PCNX2: variants seen among roughly 807,000 people sequenced by gnomAD.
PCNX2 encodes pecanex 2.
Under a neutral mutation model 223.8 loss-of-function variants are expected in PCNX2, and 168 were observed. That is an observed-to-expected ratio of 0.75 (90% CI 0.66 to 0.85). The LOEUF (loss-of-function observed/expected upper bound fraction) is 0.85, where lower values mean the gene tolerates loss of function less well. Among genes scored for constraint, PCNX2 ranks in the 40% least tolerant of loss-of-function variants. PCNX2 has a pLI of 0.00. For missense variants in PCNX2, 2,507 were observed against 2,675.5 expected, an observed-to-expected ratio of 0.94 and a Z score of 1.39; for synonymous variants, 1,006 against 1,052.6, an observed-to-expected ratio of 0.96 and a Z score of 0.86.
chr1:233,107,388 G>A (rs574282228), intron 21 of PCNX2, among the ~76,000 whole-genome samples: 20 of 147,044 alleles, frequency 1.4e-4, no homozygotes, highest in East Asian at 2.1e-4. Flanking sequence ...ATCCTGACTC[G>A]AAAAAACAAA....
intron 23 of PCNX2, among the ~76,000 whole-genome samples, chr1:233,073,732 C>T (rs1182524870): frequency 6.6e-6 from 1 of 151,946 alleles, no homozygotes; most frequent in East Asian, 1.9e-4. Flanking sequence ...CTAACCTCAG[C>T]CTCTTCAGTA....
At chr1:233,057,079 A>C (rs1217570987) in intron 24 of PCNX2, among the ~76,000 whole-genome samples, 153 bp downstream of exon 24, 1 of 152,078 alleles carries the variant, frequency 6.6e-6, no homozygotes, top group Non-Finnish European at 1.5e-5. Context: ...TTGCTTGATC[A>C]CTCTACCTGC....
At position 233,258,386 on chromosome 1, in the gene PCNX2, C is replaced by T. The variant is rs547708340; in HGVS notation, c.1476G>A (p.Ser492=). The T allele has an allele frequency of 2.9e-5, 47 of 1,613,984 alleles. No individual in the cohort carries two copies. In the East Asian group the frequency reaches 3.6e-4, roughly 12 times the overall value. The change falls in exon 5 of 34, where the codon TCG becomes TCA. Residue 492 remains serine (S), a synonymous_variant. Transcript: ENST00000258229. ...HSSSSREPWE[S]VSRLTPDTGS... is the part of the protein sequence containing the mutation. ...CTGTATCAGGTGTAAGCCGGGACAC[C>T]GATTCCCAGGGTTCCCGTGATGAAG... is the stretch of plus-strand genomic sequence containing the variant.
At chr1:233,018,679 C>A in intron 26 of PCNX2, 3 of 824,920 alleles carry the variant, frequency 3.6e-6, no homozygotes, top group Non-Finnish European at 4.4e-6. Flanking sequence ...CCAGCGTGCA[C>A]CGCAGTTCCA....
chr1:233,039,723 A>G (rs1157756496), intron 25 of PCNX2, among the ~76,000 whole-genome samples: 1 of 152,226 alleles, frequency 6.6e-6, no homozygotes. Context: ...GGCTATTGAA[A>G]ACAAACTGGC....
At chr1:233,195,380 T>C (rs999261089) in intron 15 of PCNX2, among the ~76,000 whole-genome samples, 13 of 152,204 alleles carry the variant, frequency 8.5e-5, no homozygotes, top group Admixed American at 8.5e-4. Flanking sequence ...TGAAAGACTT[T>C]TCCCCTAAAC....
At chr1:233,222,280 A>G (rs1444507462) in intron 10 of PCNX2, among the ~76,000 whole-genome samples, 1 of 152,224 alleles carries the variant, frequency 6.6e-6, no homozygotes, top group Non-Finnish European at 1.5e-5. Flanking sequence ...TAGTGGCTAC[A>G]GCATGGGGGA....
At chr1:233,112,324 C>A (rs75965401) in intron 21 of PCNX2, among the ~76,000 whole-genome samples, 2 of 152,106 alleles carry the variant, frequency 1.3e-5, no homozygotes, top group Non-Finnish European at 1.5e-5. Flanking sequence ...GCTTCCCTGG[C>A]GCTTCACCAG....
Position 233,200,274 on chromosome 1 carries a change from A to G in PCNX2, c.2864-10T>C, listed in dbSNP as rs1680993316. 2 of 1,537,076 alleles carry G rather than the reference A, an allele frequency of 1.3e-6. No individual in the cohort carries two copies. On this transcript the variant is annotated splice_polypyrimidine_tract_variant and intron_variant, in intron 13 of 33. Transcript: ENST00000258229. Reference sequence around the variant, plus strand: ...AAGCAATATAAAAATACTGAAAATGAACAAACAAAATTGACGATAAGCATG... The same window carrying G: ...AAGCAATATAAAAATACTGAAAATGGACAAACAAAATTGACGATAAGCATG...
intron 32 of PCNX2, among the ~76,000 whole-genome samples, chr1:232,997,162 T>G (rs1181552358): frequency 1.3e-5 from 2 of 152,218 alleles, no homozygotes; most frequent in African/African-American, 4.8e-5. Context: ...AAACCCTCTT[T>G]GGAAAAAGTA....
intron 23 of PCNX2, among the ~76,000 whole-genome samples, chr1:233,081,178 C>G (rs1021165303): frequency 6.6e-6 from 1 of 151,976 alleles, no homozygotes; most frequent in East Asian, 1.9e-4. Flanking sequence ...GAAACCCCAT[C>G]TCTATTAAAA....
At chr1:233,243,912 A>C (rs904372460) in intron 8 of PCNX2, among the ~76,000 whole-genome samples, 1 of 151,706 alleles carries the variant, frequency 6.6e-6, no homozygotes, top group Non-Finnish European at 1.5e-5. Flanking sequence ...GCTCACCACA[A>C]CCTCCGCCTC....
At chr1:233,229,802 A>T (rs1657952516) in intron 9 of PCNX2, among the ~76,000 whole-genome samples, 1 of 145,488 alleles carries the variant, frequency 6.9e-6, no homozygotes, top group African/African-American at 2.5e-5. Flanking sequence ...ATCCTTGCTT[A>T]AAAAAAAAAC....
the PCNX2 span, among the ~76,000 whole-genome samples, chr1:233,306,007 G>A: frequency 2.6e-5 from 4 of 152,296 alleles, no homozygotes; most frequent in Admixed American, 2.0e-4. Flanking sequence ...TGCTAGAAAA[G>A]ACACACTTTA....
At chr1:233,268,161 C>T (rs1660443467) in intron 1 of PCNX2, among the ~76,000 whole-genome samples, 1 of 152,206 alleles carries the variant, frequency 6.6e-6, no homozygotes, top group African/African-American at 2.4e-5. Context: ...ATCCACTCGC[C>T]TTGGCCTCCT....
chr1:233,202,386 C>A, intron 13 of PCNX2: 1 of 241,700 alleles, frequency 4.1e-6, no homozygotes. Context: ...TCTTTTTAAG[C>A]AAAATTCATA....
rs114196626 is a variant in PCNX2 at position 233,182,193 on chromosome 1, A to C, written c.3067-3018T>G. ...AGGGTGCTTTTCTGTAACCCAGGTG[A>C]TTTAAGTTTTTGACATGGGAGGGGT... is the stretch of plus-strand genomic sequence containing the variant. On this transcript the variant is annotated intron_variant, in intron 15 of 33. Transcript: ENST00000258229. Among the ~76,000 whole-genome samples the C allele has an allele frequency of 4.4e-3, 671 of 152,270 alleles. 5 individuals are homozygous for C. The highest frequency in any genetic ancestry group is 0.016 in the African/African-American group (651 of 41,538).
intron 8 of PCNX2, among the ~76,000 whole-genome samples, chr1:233,246,797 G>A (rs1659150393): frequency 6.6e-6 from 1 of 152,088 alleles, no homozygotes; most frequent in Non-Finnish European, 1.5e-5. Context: ...GACACCCCCA[G>A]GTGCACATGA....
intron 1 of PCNX2, chr1:233,293,818 G>T: frequency 3.0e-6 from 1 of 338,944 alleles, no homozygotes; most frequent in Non-Finnish European, 4.2e-6. Flanking sequence ...GCTTGCTCAA[G>T]CTCATATTAG....
Sources: gnomAD v4.1 joint callset for allele counts (sites outside exome capture counted in the v4.1 genomes callset) on GRCh38, gnomAD v4.1.1 for gene constraint, MANE v1.5 for transcripts, NCBI Gene and HGNC (gene_info 2026-07-23, HGNC 2026-07-21) for gene names.